The following NELL1 variants were observed in gnomAD, a reference collection of about 807,000 sequenced individuals.
NELL1 encodes the protein protein kinase C-binding protein NELL1.
In NELL1, 76 loss-of-function variants were observed where a neutral mutation model predicts 107.4. The ratio of observed to expected loss-of-function variants is 0.71; its 90% CI spans 0.59 to 0.86. The LOEUF (loss-of-function observed/expected upper bound fraction) is 0.86, where lower values mean the gene tolerates loss of function less well. Ranked by LOEUF, NELL1 falls within the 40% of genes least tolerant of loss-of-function variation. NELL1 has a pLI of 0.00. For missense variants in NELL1, 1,024 were observed against 1,005.5 expected (o/e 1.02, Z -0.25); for synonymous variants, 353 against 341.2 (o/e 1.03, Z -0.38).
chr11:20,980,874 A>G (rs1851736038), intron 12 of NELL1, among the ~76,000 whole-genome samples: 1 of 152,196 alleles, frequency 6.6e-6, no homozygotes, highest in Non-Finnish European at 1.5e-5. Context: ...AGTTCTGGCC[A>G]AGGAGTTATG....
chr11:20,851,198 G>A (rs140075872), intron 4 of NELL1, among the ~76,000 whole-genome samples: 3 of 152,262 alleles, frequency 2.0e-5, no homozygotes, highest in Admixed American at 6.5e-5. Context: ...GCAGGATTTC[G>A]CACATTATTT....
intron 12 of NELL1, among the ~76,000 whole-genome samples, chr11:21,043,780 C>T (rs1001280626): frequency 2.0e-5 from 3 of 152,016 alleles, no homozygotes; most frequent in Non-Finnish European, 4.4e-5. Flanking sequence ...GCATGGTACT[C>T]GTTTCTGAAT....
chr11:21,388,007 G>C lies in NELL1; in HGVS notation c.1645+17059G>C, dbSNP rs539102709. Among the ~76,000 whole-genome samples, 5 of 151,570 alleles carry C rather than the reference G, an allele frequency of 3.3e-5. No individual in the cohort carries two copies. In the South Asian group the frequency reaches 6.2e-4, roughly 19 times the overall value. ...TTGAGGCTAAGAGGTTAAAGAAATT[G>C]CTTATGTTTGTAAAGCTAAGAACAA... On this transcript the variant is annotated intron_variant, in intron 15 of 19. Coordinates refer to ENST00000357134, the MANE Select transcript of NELL1 (RefSeq NM_006157.5).
chr11:21,281,078 T>G (rs566071793), intron 14 of NELL1, among the ~76,000 whole-genome samples: 1 of 150,762 alleles, frequency 6.6e-6, no homozygotes, highest in Non-Finnish European at 1.5e-5. Context: ...GAGGGAAGAG[T>G]GGGGAGGACT....
chr11:21,029,084 G>A (rs1272020167), intron 12 of NELL1, among the ~76,000 whole-genome samples: 1 of 152,018 alleles, frequency 6.6e-6, no homozygotes, highest in Non-Finnish European at 1.5e-5. Flanking sequence ...AAGCAGAGAA[G>A]TACACAGATT....
chr11:20,975,344 A>G lies in NELL1; in HGVS notation c.1300+14784A>G, dbSNP rs115178425. ...GCTTCCTTTTTGTGTTCTTTAACAC[A>G]TCTAAATGTATATCATCCATTCTTC... On this transcript the variant is annotated intron_variant, in intron 12 of 19. Transcript: ENST00000357134. Among the ~76,000 whole-genome samples the G allele has an allele frequency of 8.4e-3, 1,276 of 151,948 alleles. 18 individuals carry two copies. The highest frequency in any genetic ancestry group is 0.03 in the African/African-American group (1,235 of 41,418).
At chr11:21,057,295 A>G (rs1853636284) in intron 12 of NELL1, among the ~76,000 whole-genome samples, 2 of 152,076 alleles carry the variant, frequency 1.3e-5, no homozygotes, top group Non-Finnish European at 2.9e-5. Flanking sequence ...ATCGAATAAG[A>G]CAAGATTAGG....
intron 13 of NELL1, among the ~76,000 whole-genome samples, chr11:21,191,897 C>T (rs952162704): frequency 2.0e-5 from 3 of 151,762 alleles, no homozygotes; most frequent in African/African-American, 7.3e-5. Flanking sequence ...TCAAATATAA[C>T]TTCTTGTTAT....
chr11:21,324,530 C>T (rs1850085030), intron 14 of NELL1, among the ~76,000 whole-genome samples: 1 of 152,046 alleles, frequency 6.6e-6, no homozygotes, highest in African/African-American at 2.4e-5. Context: ...CCTAAAGAAA[C>T]CCTAGTGGCA....
intron 2 of NELL1, among the ~76,000 whole-genome samples, chr11:20,692,178 T>C (rs1432054090): frequency 2.6e-5 from 4 of 152,056 alleles, no homozygotes; most frequent in African/African-American, 9.7e-5. Flanking sequence ...TCTCTCTTTT[T>C]TTCTTTATTA....
chr11:20,804,590 T>C (rs1857343609), intron 3 of NELL1, among the ~76,000 whole-genome samples: 1 of 152,220 alleles, frequency 6.6e-6, no homozygotes, highest in African/African-American at 2.4e-5. Context: ...TTGTATAGTT[T>C]CCATAATTCC....
At chr11:21,317,080 GATA>G (rs1849895271) in intron 14 of NELL1, among the ~76,000 whole-genome samples, 1 of 151,960 alleles carries the variant, frequency 6.6e-6, no homozygotes, top group Admixed American at 6.6e-5. Flanking sequence ...TACTAGAATT[GATA>G]ATAAGAATCA....
intron 3 of NELL1, among the ~76,000 whole-genome samples, chr11:20,835,179 G>A (rs1167000226): frequency 1.3e-5 from 2 of 152,058 alleles, no homozygotes; most frequent in Non-Finnish European, 1.5e-5. Context: ...TTTTTGAAAC[G>A]TTCTCACATC....
At chr11:20,993,938 T>G (rs1852035084) in intron 12 of NELL1, among the ~76,000 whole-genome samples, 1 of 152,062 alleles carries the variant, frequency 6.6e-6, no homozygotes, top group Admixed American at 6.6e-5. Context: ...ATTACCATTT[T>G]ATGCATCCTC....
chr11:21,030,622 A>AT (rs201033870), intron 12 of NELL1, among the ~76,000 whole-genome samples: 5,554 of 120,032 alleles, frequency 0.046, 177 homozygotes, highest in African/African-American at 0.1. Flanking sequence ...ATTTTCTTGT[A>AT]TTTTTTTTTT....
chr11:21,076,783 G>A (rs923635797), intron 12 of NELL1, among the ~76,000 whole-genome samples: 4 of 152,030 alleles, frequency 2.6e-5, no homozygotes, highest in Non-Finnish European at 4.4e-5. Flanking sequence ...GTTTCCATGA[G>A]AGCTGGTTGT....
intron 12 of NELL1, among the ~76,000 whole-genome samples, chr11:21,026,352 G>C (rs147855041): frequency 6.6e-6 from 1 of 152,078 alleles, no homozygotes; most frequent in Non-Finnish European, 1.5e-5. Flanking sequence ...ACAGCAGACA[G>C]GCTTCTCCAT....
chr11:21,322,452 G>C (rs940365797), intron 14 of NELL1, among the ~76,000 whole-genome samples: 1 of 152,066 alleles, frequency 6.6e-6, no homozygotes, highest in South Asian at 2.1e-4. Context: ...TACAAGAGTA[G>C]ATTTTAATTT....
At chr11:21,517,210 A>G (rs982799243) in intron 15 of NELL1, among the ~76,000 whole-genome samples, 3 of 152,162 alleles carry the variant, frequency 2.0e-5, no homozygotes, top group African/African-American at 7.2e-5. Flanking sequence ...ACTTTTCTAC[A>G]TGTAGAAGAG....
Sources: allele counts gnomAD v4.1 joint callset (sites outside exome capture counted in the v4.1 genomes callset), GRCh38; gene constraint gnomAD v4.1.1; transcripts MANE v1.5; gene names NCBI Gene and HGNC (gene_info 2026-07-23, HGNC 2026-07-21).